The following RGS21 variants were observed in gnomAD, a reference collection of about 807,000 sequenced individuals.
The protein encoded by RGS21 is regulator of G-protein signalling 21.
RGS21 carries 19 observed loss-of-function variants against 18.7 expected under a neutral mutation model. The observed-to-expected ratio is 1.01, with a 90% CI of 0.71 to 1.49. The LOEUF is 1.49. Ranked by LOEUF, RGS21 falls within the 40% of genes most tolerant of loss-of-function variation. RGS21 has a pLI of 0.00. For synonymous variants in RGS21, 56 were observed against 57.8 expected (o/e 0.97, Z 0.14); for missense variants, 194 against 176.8 (o/e 1.10, Z -0.55).
At chr1:192,364,565 T>C (rs1444369130) in intron 4 of RGS21, among the ~76,000 whole-genome samples, 6 of 152,090 alleles carry the variant, frequency 3.9e-5, no homozygotes, top group Non-Finnish European at 7.4e-5. Flanking sequence ...AAACAGCAAG[T>C]AAGTAGCTGA....
At chr1:192,323,536 A>G (rs1305590958) in intron 1 of RGS21, among the ~76,000 whole-genome samples, 2 of 152,122 alleles carry the variant, frequency 1.3e-5, no homozygotes, top group African/African-American at 4.8e-5. Context: ...GGAAGAATGA[A>G]AAATGACTCC....
At position 192,340,309 on chromosome 1, in the gene RGS21, T is replaced by G. The variant is rs543241916; in HGVS notation, c.-60-2668T>G. On this transcript the variant is annotated intron_variant, in intron 1 of 4. Coordinates refer to ENST00000417209, the MANE Select transcript of RGS21 (RefSeq NM_001039152.3). ...ATAAATAAGCATATATAAATAAACC[T>G]ATGTAAGATGTGTTGGCTTGCTATA... Among the ~76,000 whole-genome samples the G allele has an allele frequency of 1.1e-3, 165 of 152,242 alleles. 1 individual carries two copies. Among genetic ancestry groups the G allele is most frequent in the Non-Finnish European group, 1.8e-3 (122 of 68,006 alleles).
intron 2 of RGS21, among the ~76,000 whole-genome samples, chr1:192,346,874 C>T (rs1040765346): frequency 6.6e-5 from 10 of 152,170 alleles, no homozygotes; most frequent in African/African-American, 1.9e-4. Context: ...CTTTTTTGAA[C>T]TCTTTTGAGA....
chr1:192,327,575 C>A (rs147369526), intron 1 of RGS21, among the ~76,000 whole-genome samples: 2 of 152,122 alleles, frequency 1.3e-5, no homozygotes, highest in Admixed American at 1.3e-4. Flanking sequence ...TAAATTCAAG[C>A]GATTCTTCTG....
At chr1:192,323,554 G>A (rs1658525052) in intron 1 of RGS21, among the ~76,000 whole-genome samples, 1 of 152,096 alleles carries the variant, frequency 6.6e-6, no homozygotes, top group South Asian at 2.1e-4. Flanking sequence ...TCCCAGGTTT[G>A]CTTGTCACTG....
rs746857200 is a variant in RGS21, at chr1:192,362,783, T to G, written c.256-3138T>G. The stretch of plus-strand genomic sequence containing the variant: ...CAGTAATAATATTAATTAGCATTAT[T>G]ATGTTGAAATTGAAGAGTTCTCTCT... On this transcript the variant is annotated intron_variant, in intron 4 of 4. Coordinates refer to ENST00000417209, the MANE Select transcript of RGS21 (RefSeq NM_001039152.3). Among the ~76,000 whole-genome samples, 40 of 152,302 alleles carry G rather than the reference T, an allele frequency of 2.6e-4. 1 individual carries two copies. Among genetic ancestry groups the G allele is most frequent in the Non-Finnish European group, 4.1e-4 (28 of 68,018 alleles).
chr1:192,337,438 C>T (rs962358711), intron 1 of RGS21, among the ~76,000 whole-genome samples: 32 of 151,690 alleles, frequency 2.1e-4, no homozygotes, highest in African/African-American at 7.2e-4. Flanking sequence ...ACATAGATTT[C>T]AGTTAAAATA....
chr1:192,331,346 G>A (rs528129132), intron 1 of RGS21, among the ~76,000 whole-genome samples: 5 of 152,258 alleles, frequency 3.3e-5, no homozygotes, highest in South Asian at 4.1e-4. Context: ...GAGGTCAGGA[G>A]ATCGAGACCA....
At chr1:192,355,795 TAAG>T (rs937514679) in intron 4 of RGS21, among the ~76,000 whole-genome samples, 1 of 151,104 alleles carries the variant, frequency 6.6e-6, no homozygotes, top group African/African-American at 2.4e-5. Context: ...CATATTCAGC[TAAG>T]AAATTAACAT....
At chr1:192,355,817 T>C (rs1261744974) in intron 4 of RGS21, among the ~76,000 whole-genome samples, 2 of 151,140 alleles carry the variant, frequency 1.3e-5, no homozygotes, top group East Asian at 1.9e-4. Context: ...ATATTTAAAA[T>C]ATATATTATA....
chr1:192,365,348 A>C (rs1659239531), intron 4 of RGS21, among the ~76,000 whole-genome samples: 1 of 152,102 alleles, frequency 6.6e-6, no homozygotes, highest in South Asian at 2.1e-4. Flanking sequence ...GGAAATGCCT[A>C]TATGTGGTAA....
intron 1 of RGS21, among the ~76,000 whole-genome samples, chr1:192,323,080 TTG>T (rs1471638415): frequency 2.0e-5 from 3 of 152,126 alleles, no homozygotes; most frequent in African/African-American, 7.2e-5. Flanking sequence ...AAAATAAGTG[TTG>T]TGTTTTTAAA....
chr1:192,359,655 G>GTGTATATATATATATATATA (rs1553241170), intron 4 of RGS21, among the ~76,000 whole-genome samples: 1 of 124,274 alleles, frequency 8.0e-6, no homozygotes, highest in African/African-American at 3.0e-5. Context: ...GTGTGTGTGT[G>GTGTATATATATATATATATA]TATATATATA....
At chr1:192,350,771 C>A (rs1659029502) in intron 3 of RGS21, among the ~76,000 whole-genome samples, 1 of 152,176 alleles carries the variant, frequency 6.6e-6, no homozygotes, top group African/African-American at 2.4e-5. Context: ...AATGATCTTT[C>A]TGACCTGTTG....
intron 1 of RGS21, among the ~76,000 whole-genome samples, chr1:192,334,695 A>G (rs1369313974): frequency 6.6e-6 from 1 of 152,192 alleles, no homozygotes; most frequent in Non-Finnish European, 1.5e-5. Flanking sequence ...GACAGTAGGA[A>G]ATATGTGGTA....
intron 1 of RGS21, among the ~76,000 whole-genome samples, chr1:192,326,809 A>G (rs777614926): frequency 3.5e-4 from 54 of 152,194 alleles, no homozygotes; most frequent in Non-Finnish European, 6.3e-4. Flanking sequence ...TAAGTCAAGA[A>G]GGACATAAAT....
intron 3 of RGS21, among the ~76,000 whole-genome samples, chr1:192,348,478 T>A (rs547222287): frequency 6.6e-6 from 1 of 152,360 alleles, no homozygotes; most frequent in East Asian, 1.9e-4. Context: ...ATCAACTGTG[T>A]TATTCTCACT....
intron 1 of RGS21, among the ~76,000 whole-genome samples, chr1:192,317,900 T>G (rs2102218938): frequency 6.6e-6 from 1 of 152,136 alleles, no homozygotes; most frequent in African/African-American, 2.4e-5. Context: ...TTCATAAAAT[T>G]TTTAGTCAAC....
intron 1 of RGS21, among the ~76,000 whole-genome samples, chr1:192,321,293 A>G (rs1490135733): frequency 2.0e-5 from 3 of 151,994 alleles, no homozygotes; most frequent in African/African-American, 7.2e-5. Flanking sequence ...ACTGTCCATC[A>G]ACTAATGAAA....
Sources: allele counts gnomAD v4.1 joint callset (sites outside exome capture counted in the v4.1 genomes callset), GRCh38; gene constraint gnomAD v4.1.1; transcripts MANE v1.5; gene names NCBI Gene and HGNC (gene_info 2026-07-23, HGNC 2026-07-21).